Variants in GDA observed in about 807,000 individuals in gnomAD.
The protein encoded by GDA is guanine deaminase, also known as cytoplasmic PSD-95 interactor.
A neutral mutation model predicts 59.6 loss-of-function variants in GDA; 18 were observed. The observed-to-expected ratio is 0.30, with a 90% CI of 0.21 to 0.45. The LOEUF is 0.45. GDA is among the 20% of genes least tolerant of loss of function. The probability of loss-of-function intolerance (pLI) is 1.00; values close to 1 mark genes in which losing one functional copy is unlikely to be tolerated. For synonymous variants in GDA, 201 were observed against 201.1 expected (o/e 1.00, Z 0.00); for missense variants, 427 against 552.3 (o/e 0.77, Z 2.27).
At chr9:72,258,440 G>T (rs1840909187), downstream of GDA, among the ~76,000 whole-genome samples, 1 of 152,196 alleles carries the variant, frequency 6.6e-6, no homozygotes, top group Non-Finnish European at 1.5e-5. Context: ...GAGACCAATT[G>T]CAGGGCACCC....
At chr9:72,157,310 G>A (rs1250756124) in intron 1 of GDA, among the ~76,000 whole-genome samples, 2 of 152,086 alleles carry the variant, frequency 1.3e-5, no homozygotes, top group East Asian at 1.9e-4. Flanking sequence ...CAAAGTGTTG[G>A]GATTACAGGC....
intron 10 of GDA, among the ~76,000 whole-genome samples, chr9:72,237,717 A>T (rs977417395): frequency 6.6e-6 from 1 of 152,164 alleles, no homozygotes; most frequent in Non-Finnish European, 1.5e-5. Flanking sequence ...AACACATTTA[A>T]ACCTAGTTCT....
At chr9:72,199,994 CTT>C (rs1271694156) in intron 2 of GDA, among the ~76,000 whole-genome samples, 12 of 119,826 alleles carry the variant, frequency 1.0e-4, no homozygotes, top group African/African-American at 2.4e-4. Context: ...TGAATCCTTT[CTT>C]TTTTTTTTTT....
intron 1 of GDA, among the ~76,000 whole-genome samples, chr9:72,132,425 C>G (rs1320230629): frequency 6.6e-6 from 1 of 152,078 alleles, no homozygotes; most frequent in Admixed American, 6.6e-5. Flanking sequence ...CTCCTAGGAC[C>G]ATGGAAAAAA....
intron 3 of GDA, among the ~76,000 whole-genome samples, chr9:72,207,986 C>T (rs538596063): frequency 1.3e-3 from 191 of 152,192 alleles, no homozygotes; most frequent in African/African-American, 4.4e-3. Flanking sequence ...TCTGTAGTCC[C>T]TGCTACTTGG....
At chr9:72,187,005 G>A (rs1024126203) in intron 1 of GDA, among the ~76,000 whole-genome samples, 1 of 152,130 alleles carries the variant, frequency 6.6e-6, no homozygotes, top group African/African-American at 2.4e-5. Flanking sequence ...TAGAGACTAT[G>A]CATATATATT....
chr9:72,210,519 G>A (rs910860875), intron 3 of GDA, among the ~76,000 whole-genome samples, 168 bp from the exon 4 acceptor site: 1 of 152,074 alleles, frequency 6.6e-6, no homozygotes, highest in African/African-American at 2.4e-5. Flanking sequence ...GCTAACTTTT[G>A]GAATATAAAT....
Position 72,130,666 on chromosome 9 carries a change from T to G in GDA, c.-100+15833T>G, listed in dbSNP as rs982659697. Among the ~76,000 whole-genome samples, 3 of 152,306 alleles carry G rather than the reference T, an allele frequency of 2.0e-5. No homozygotes were observed. The East Asian group carries it at 5.8e-4, about 29-fold the overall frequency. On this transcript the variant is annotated intron_variant, in intron 1 of 13. Coordinates refer to the GDA transcript ENST00000545168. ...TTAGTGTGTTGTTATATGATTGAGG[T>G]GGCTAAAGAGTTACAGGAATAACAA... is the stretch of plus-strand genomic sequence containing the variant.
At chr9:72,154,014 T>G (rs1401501219) in intron 1 of GDA, among the ~76,000 whole-genome samples, 1 of 152,184 alleles carries the variant, frequency 6.6e-6, no homozygotes, top group Admixed American at 6.5e-5. Flanking sequence ...AAATATTTAA[T>G]CTTGAGGTAA....
At chr9:72,223,022 A>G in intron 6 of GDA, 98 bp from the exon 7 acceptor site, 1 of 675,330 alleles carries the variant, frequency 1.5e-6, no homozygotes, top group Non-Finnish European at 2.6e-6. Flanking sequence ...CAGGGTTTTT[A>G]TAGTTTTCGG....
At chr9:72,255,050 C>T (rs186230552), downstream of GDA, among the ~76,000 whole-genome samples, 362 of 152,236 alleles carry the variant, frequency 2.4e-3, 1 homozygote, top group African/African-American at 8.3e-3. Flanking sequence ...GAGCTTTGCC[C>T]AGGAAGGTTA....
intron 1 of GDA, among the ~76,000 whole-genome samples, chr9:72,165,816 C>T (rs936481114): frequency 2.0e-5 from 3 of 150,788 alleles, no homozygotes; most frequent in African/African-American, 7.3e-5. Context: ...GAGAACTGCT[C>T]GAATCCGGGA....
At chr9:72,215,022 C>G (rs1333517795) in intron 5 of GDA, 3 of 158,832 alleles carry the variant, frequency 1.9e-5, no homozygotes, top group Non-Finnish European at 2.8e-5. Context: ...GCATGAGCCA[C>G]TGTGCCCGGC....
intron 1 of GDA, among the ~76,000 whole-genome samples, chr9:72,117,020 T>C (rs1587283948): frequency 6.7e-6 from 1 of 149,878 alleles, no homozygotes; most frequent in South Asian, 2.1e-4. Flanking sequence ...AGTGAGAACA[T>C]GCAGTGTTTG....
At chr9:72,233,782 A>G (rs901171914) in intron 10 of GDA, among the ~76,000 whole-genome samples, 2 of 152,108 alleles carry the variant, frequency 1.3e-5, no homozygotes, top group Non-Finnish European at 2.9e-5. Context: ...TCTTTACAAA[A>G]AATACAAAAC....
At chr9:72,149,739 C>T (rs899147373) in intron 1 of GDA, 57 bp downstream of exon 1, 14 of 1,508,240 alleles carry the variant, frequency 9.3e-6, no homozygotes, top group Middle Eastern at 1.8e-4. Context: ...GTGCAAGGAA[C>T]CTGGCGCGGT....
At chr9:72,180,033 T>C (rs1262413577) in intron 1 of GDA, among the ~76,000 whole-genome samples, 3 of 151,928 alleles carry the variant, frequency 2.0e-5, no homozygotes, top group Non-Finnish European at 4.4e-5. Flanking sequence ...GTTCAACTCA[T>C]ACCAGGTCTT....
chr9:72,137,687 G>A (rs1332173388), intron 1 of GDA, among the ~76,000 whole-genome samples: 1 of 152,024 alleles, frequency 6.6e-6, no homozygotes, highest in Non-Finnish European at 1.5e-5. Context: ...TGACATTTTG[G>A]ACTGAATAAC....
chr9:72,157,923 C>T (rs1234557678), intron 1 of GDA, among the ~76,000 whole-genome samples: 2 of 152,212 alleles, frequency 1.3e-5, no homozygotes, highest in East Asian at 3.8e-4. Context: ...ATGCAAATTT[C>T]TCCCTGTTTT....
Sources: gnomAD v4.1 joint callset for allele counts (sites outside exome capture counted in the v4.1 genomes callset) on GRCh38, gnomAD v4.1.1 for gene constraint, MANE v1.5 for transcripts, NCBI Gene and HGNC (gene_info 2026-07-23, HGNC 2026-07-21) for gene names.